ZNF629: variants seen among roughly 807,000 people sequenced by gnomAD.
ZNF629 encodes the protein DNA-binding protein.
Under a neutral mutation model 59.7 loss-of-function variants are expected in ZNF629, and 9 were observed. The observed-to-expected ratio is 0.15, with a 90% confidence interval of 0.09 to 0.26. ZNF629 has a LOEUF of 0.26. Ranked by LOEUF, ZNF629 falls within the 10% of genes least tolerant of loss-of-function variation. ZNF629 has a pLI of 1.00. For missense variants in ZNF629, 853 were observed against 1,165.4 expected, an observed-to-expected ratio of 0.73 and a Z score of 3.90; for synonymous variants, 509 against 498.9, an observed-to-expected ratio of 1.02 and a Z score of -0.27.
rs1386296501 is a variant in ZNF629, at chr16:30,784,270, G to A, written c.74-16C>T. On this transcript the variant is annotated splice_polypyrimidine_tract_variant and intron_variant, in intron 2 of 2. Coordinates refer to ENST00000262525, the MANE Select transcript of ZNF629 (RefSeq NM_001080417.3). The stretch of plus-strand genomic sequence containing the variant: ...CTCTCGGCACCTACAGAAAGAAAGG[G>A]AGTCTACAGCCCCCAGCCCCTTTCA... 1 of 1,586,360 alleles carries A rather than the reference G, an allele frequency of 6.3e-7. No homozygotes were observed. The highest frequency in any genetic ancestry group is 1.3e-5 in the African/African-American group (1 of 74,602).
In ZNF629 at chr16:30,783,503, C is replaced by A. The variant is rs1473512825; in HGVS notation, c.825G>T (p.Ser275=). 2 of 1,612,618 alleles carry A rather than the reference C, an allele frequency of 1.2e-6. No homozygotes were observed. The highest frequency in any genetic ancestry group is 3.3e-4 in the Middle Eastern group (2 of 6,046). The change falls in exon 3 of 3, where the codon TCG becomes TCT. Residue 275 remains serine, a synonymous_variant. Coordinates refer to ENST00000262525, the MANE Select transcript of ZNF629 (RefSeq NM_001080417.3). ...GGGTGGCCTGGTGCTGGATGAGGTC[C>A]GAGCTGCGGTAGAAAGCCCGGCGGC... ...GECRRAFYRS[S]DLIQHQATHT...
Position 30,784,534 on chromosome 16 carries a change from A to G in ZNF629, c.-33-19T>C, listed in dbSNP as rs1318095244. On this transcript the variant is annotated intron_variant, in intron 1 of 2. Coordinates refer to ENST00000262525, the MANE Select transcript of ZNF629 (RefSeq NM_001080417.3). ...AGGGACCCTGCGGGGGAAGACAGCG[A>G]TGAGCGCACACTGGGAGCTGATTTT... 10 of 1,488,306 alleles carry G rather than the reference A, an allele frequency of 6.7e-6. No homozygotes were observed. In the Admixed American group the frequency reaches 7.0e-5, roughly 10 times the overall value. The allele number at this position is 1,488,306 out of a possible 1,614,324, so 92.2% of individuals were successfully genotyped here. A position where few individuals can be genotyped will look rare whatever the true frequency, so the allele number is the denominator to read the frequency against.
intron 1 of ZNF629, among the ~76,000 whole-genome samples, chr16:30,785,002 G>GA (rs200197867): frequency 6.8e-4 from 102 of 150,612 alleles, no homozygotes; most frequent in African/African-American, 1.8e-3. Flanking sequence ...AAAGGGTTAA[G>GA]AAAAAAAAAC....
In ZNF629 at chr16:30,782,387, C is replaced by G. The variant is rs1248675576; in HGVS notation, c.1941G>C (p.Gln647His). Residue 647 changes from glutamine (Q) to histidine (H), a missense_variant, in exon 3 of 3, where the codon CAG (glutamine) becomes CAC (histidine). By Grantham distance (24) the Gln-to-His change is conservative. Transcript: ENST00000262525. ...PGQPLKPPEG[Q>H]EGFSQRRGLL... ...GCCCCCGCCTCTGGCTGAAGCCCTC[C>G]TGACCCTCCGGCGGCTTAAGGGGCT... The G allele has an allele frequency of 6.3e-7, 1 of 1,576,942 alleles. No individual in the cohort carries two copies. Among genetic ancestry groups the G allele is most frequent in the Non-Finnish European group, 8.6e-7 (1 of 1,161,302 alleles).
rs754390785 is a variant in ZNF629 at position 30,782,449 on chromosome 16, G to C, written c.1879C>G (p.Pro627Ala). 6.4e-6 allele frequency: 10 copies of C among 1,567,122 alleles called. No individual in the cohort carries two copies. The highest frequency in any genetic ancestry group is 8.7e-6 in the Non-Finnish European group (10 of 1,155,564). The part of the protein sequence containing the change: ...PRLPFRGNSY[P>A]GAAEGRAEAP... The stretch of plus-strand genomic sequence containing the variant: ...TCCGCTCTGCCCTCCGCAGCCCCGG[G>C]GTAGGAATTCCCTCTGAAAGGGAGC... Residue 627 changes from proline (P) to alanine (A), a missense_variant, in exon 3 of 3, where the codon CCC becomes GCC. Coordinates refer to ENST00000262525, the MANE Select transcript of ZNF629 (RefSeq NM_001080417.3).
chr16:30,782,161 A>G lies in ZNF629; in HGVS notation c.2167T>C (p.Phe723Leu). 1.2e-6 allele frequency: 2 copies of G among 1,613,506 alleles called. No homozygotes were observed. Among genetic ancestry groups the G allele is most frequent in the East Asian group, 4.5e-5 (2 of 44,876 alleles). The stretch of plus-strand genomic sequence containing the variant: ...AGCAGCAGCTCAGAGCTGAGGCCAA[A>G]GCTTTGTTTGCATTCAGGGCATTTA... ...PFKCPECKQS[F>L]GLSSELLLHQ... The change falls in exon 3 of 3, where the codon TTT (phenylalanine) becomes CTT (leucine). Residue 723 changes from phenylalanine to leucine, a missense_variant. Phe to Leu is a conservative substitution (Grantham distance 22). This residue lies in a region of ZNF629 where 420 missense variants were observed against 435.6 expected (regional missense o/e 0.96). Coordinates refer to ENST00000262525, the MANE Select transcript of ZNF629 (RefSeq NM_001080417.3).
intron 1 of ZNF629, 98 bp from the exon 2 acceptor site, chr16:30,784,613 C>T (rs2054316625): frequency 1.0e-6 from 1 of 962,116 alleles, no homozygotes. Flanking sequence ...CGCCCCATTC[C>T]TCCTTGTGTG....
At position 30,781,893 on chromosome 16, in the gene ZNF629, T is replaced by C. The variant is rs1388029152; in HGVS notation, c.2435A>G (p.Gln812Arg). The C allele has an allele frequency of 6.4e-7, 1 of 1,551,620 alleles. No individual in the cohort carries two copies. Among genetic ancestry groups the C allele is most frequent in the East Asian group, 2.3e-5 (1 of 43,946 alleles). Reference sequence around the variant, plus strand: ...GGTAGGGGTCTCGCCCTCACCTTCCTGATCTGTGGACAGGGTGACTGCCTC... The same window carrying C: ...GGTAGGGGTCTCGCCCTCACCTTCCCGATCTGTGGACAGGGTGACTGCCTC... ...PPEAVTLSTDQEGEGETPTPT... is the reference protein window; with the variant it reads ...PPEAVTLSTDREGEGETPTPT... The change falls in exon 3 of 3, where the codon CAG becomes CGG. Residue 812 changes from glutamine to arginine, a missense_variant. By Grantham distance (43) the Gln-to-Arg change is conservative. Coordinates refer to ENST00000262525, the MANE Select transcript of ZNF629 (RefSeq NM_001080417.3).
At chr16:30,785,202 G>A (rs1443821017) in intron 1 of ZNF629, among the ~76,000 whole-genome samples, 1 of 152,102 alleles carries the variant, frequency 6.6e-6, no homozygotes, top group African/African-American at 2.4e-5. Context: ...GAACACCTGC[G>A]GCAGACCCAG....
In ZNF629 at chr16:30,780,425, T is replaced by C. The variant is rs2054270016; in HGVS notation, c.*1293A>G. On this transcript the variant is annotated 3_prime_UTR_variant, in exon 3 of 3. Transcript: ENST00000262525. ...CTAATCAAAGCTTTCTAAGAAATTC[T>C]GTGGCCCTGATGACTTGGAGAAGGC... 6.5e-6 allele frequency: 1 copy of C among 152,708 alleles called. No homozygotes were observed. Among genetic ancestry groups the C allele is most frequent in the African/African-American group, 2.4e-5 (1 of 41,470 alleles). 9.5% of individuals were successfully genotyped at this position (152,708 alleles called of 1,614,324 possible).
At chr16:30,785,750 G>A (rs2151344704) in intron 1 of ZNF629, among the ~76,000 whole-genome samples, 1 of 152,164 alleles carries the variant, frequency 6.6e-6, no homozygotes, top group African/African-American at 2.4e-5. Flanking sequence ...ATGAATGAAT[G>A]AGTGAGATGT....
Position 30,782,908 on chromosome 16 carries a change from T to G in ZNF629, c.1420A>C (p.Ile474Leu). 1 of 1,608,662 alleles carries G rather than the reference T, an allele frequency of 6.2e-7. No individual in the cohort carries two copies. Among genetic ancestry groups the G allele is most frequent in the Non-Finnish European group, 8.5e-7 (1 of 1,178,560 alleles). The change falls in exon 3 of 3, where the codon ATC (isoleucine) becomes CTC (leucine). Residue 474 changes from isoleucine (I) to leucine (L), a missense_variant. Coordinates refer to ENST00000262525, the MANE Select transcript of ZNF629 (RefSeq NM_001080417.3). ...GKSFIRSSHL[I>L]QHRRTHTGEK... ...CCGGTGTGCGTGCGGCGGTGCTGGATAAGGTGGGAGCTGCGGATGAAGCTC... is the reference window on the plus strand; with the variant it reads ...CCGGTGTGCGTGCGGCGGTGCTGGAGAAGGTGGGAGCTGCGGATGAAGCTC...
rs750737434 is a variant in ZNF629 at position 30,780,517 on chromosome 16, G to A, written c.*1201C>T. The A allele has an allele frequency of 6.6e-5, 10 of 152,606 alleles. No homozygotes were observed. The highest frequency in any genetic ancestry group is 1.3e-4 in the Non-Finnish European group (9 of 68,040). The allele number at this position is 152,606 out of a possible 1,614,324, so 9.5% of individuals were successfully genotyped here. The stretch of plus-strand genomic sequence containing the variant: ...TATTCTTTGGAGGTCGACTAGCAGC[G>A]GTTCTCCCTCTCCACTGAGGACAGA... On this transcript the variant is annotated 3_prime_UTR_variant, in exon 3 of 3. Transcript: ENST00000262525.
At position 30,783,979 on chromosome 16, in the gene ZNF629, C is replaced by G; in HGVS notation, c.349G>C (p.Gly117Arg). 6.3e-7 allele frequency: 1 copy of G among 1,577,826 alleles called. No individual in the cohort carries two copies. Among genetic ancestry groups the G allele is most frequent in the Non-Finnish European group, 8.6e-7 (1 of 1,161,998 alleles). ...GGGCTGTTCCATGTGGTGAGAGCGC[C>G]CCACTGCCAGCTGGCCTCGCAGGCC... ...TKACEASWQW[G>R]ALTTWNSPPV... The change falls in exon 3 of 3, where the codon GGC (glycine) becomes CGC (arginine). Residue 117 changes from glycine to arginine, a missense_variant. Physicochemically the swap from Gly to Arg is moderately radical, Grantham distance 125. This residue lies in a region of ZNF629 where 232 missense variants were observed against 193.4 expected (regional missense o/e 1.20). Coordinates refer to ENST00000262525, the MANE Select transcript of ZNF629 (RefSeq NM_001080417.3).
chr16:30,784,372 G>A (rs757865886), intron 2 of ZNF629, 38 bp downstream of exon 2: 1 of 1,547,994 alleles, frequency 6.5e-7, no homozygotes, highest in South Asian at 1.2e-5. Flanking sequence ...CGGGACCACC[G>A]TCTTGCCGGG....
Position 30,782,087 on chromosome 16 carries a change from C to G in ZNF629, c.2241G>C (p.Glu747Asp). ...AGGKSSQKSP[E>D]LGKSSSVLLE... ...GGAGGACGGAAGAGCTCTTCCCCAG[C>G]TCTGGACTCTTCTGGGAGCTCTTCC... Residue 747 changes from glutamate to aspartate, a missense_variant, in exon 3 of 3, where the codon GAG (glutamate) becomes GAC (aspartate). Physicochemically the swap from Glu to Asp is conservative, Grantham distance 45 (BLOSUM62 2). Transcript: ENST00000262525. The G allele has an allele frequency of 6.3e-7, 1 of 1,594,182 alleles. No homozygotes were observed. The highest frequency in any genetic ancestry group is 8.5e-7 in the Non-Finnish European group (1 of 1,170,030).
At position 30,786,156 on chromosome 16, in the gene ZNF629, G is replaced by A. The variant is rs1205013561; in HGVS notation, c.-34+872C>T. 3.3e-5 allele frequency among the ~76,000 whole-genome samples: 5 copies of A among 152,166 alleles called. No homozygotes were observed. The highest frequency in any genetic ancestry group is 1.2e-4 in the African/African-American group (5 of 41,428). On this transcript the variant is annotated intron_variant, in intron 1 of 2. Coordinates refer to ENST00000262525, the MANE Select transcript of ZNF629 (RefSeq NM_001080417.3). This position sits in a 1 kb window ranked among gnomAD's most constrained non-coding sequence, Gnocchi z 4.8. ...TGCACCCTGCCAAAGAGCGGTAGGA[G>A]AGACAGAAGTTAGCGTTTAGGAAGT...
chr16:30,785,687 C>A (rs1173980114), intron 1 of ZNF629, among the ~76,000 whole-genome samples: 2 of 152,036 alleles, frequency 1.3e-5, no homozygotes, highest in Non-Finnish European at 2.9e-5. Context: ...TTTCTTGAGG[C>A]TGTTTCCCAA....
rs1019633796 is a variant in ZNF629 at position 30,780,010 on chromosome 16, C to T, written c.*1708G>A. 2.0e-5 allele frequency: 3 copies of T among 152,624 alleles called. No homozygotes were observed. 9.5% of individuals were successfully genotyped at this position (152,624 alleles called of 1,614,324 possible). ...CATCTCATAGGGCAACAGTCTCTCC[C>T]CAGCCACATATGCCCAGGCCTGTGA... On this transcript the variant is annotated 3_prime_UTR_variant, in exon 3 of 3. Coordinates refer to ENST00000262525, the MANE Select transcript of ZNF629 (RefSeq NM_001080417.3).
Sources: allele counts gnomAD v4.1 joint callset (sites outside exome capture counted in the v4.1 genomes callset), GRCh38; gene constraint gnomAD v4.1.1; regional missense constraint gnomAD v4.1.1; non-coding constraint Gnocchi (gnomAD v3.1); transcripts MANE v1.5; gene names NCBI Gene and HGNC (gene_info 2026-07-23, HGNC 2026-07-21).